The following ATF3 variants were observed in gnomAD, a reference collection of about 807,000 sequenced individuals.
ATF3 encodes cyclic AMP-dependent transcription factor ATF-3.
Under a neutral mutation model 18.4 loss-of-function variants are expected in ATF3, and 10 were observed. The observed-to-expected ratio is 0.54, with a 90% CI of 0.34 to 0.92. The LOEUF is 0.92. Ranked by LOEUF, ATF3 falls within the 40% of genes least tolerant of loss-of-function variation. ATF3 has a pLI of 0.02. For missense variants in ATF3, 183 were observed against 222.3 expected (o/e 0.82, Z 1.12); for synonymous variants, 78 against 87.9 (o/e 0.89, Z 0.63).
chr1:212,591,769 C>T (rs1355604242), intron 1 of ATF3, among the ~76,000 whole-genome samples: 6 of 152,144 alleles, frequency 3.9e-5, no homozygotes, highest in South Asian at 4.1e-4. Context: ...TCTCCCCTTC[C>T]GCACACTTTT....
At position 212,619,501 on chromosome 1, in the gene ATF3, A is replaced by C; in HGVS notation, c.492A>C (p.Glu164Asp). 6.2e-7 allele frequency: 1 copy of C among 1,614,228 alleles called. No individual in the cohort carries two copies. Among genetic ancestry groups the C allele is most frequent in the South Asian group, 1.1e-5 (1 of 91,090 alleles). The change falls in exon 4 of 4, where the codon GAA becomes GAC. Residue 164 changes from glutamate (E) to aspartate (D), a missense_variant. By Grantham distance (45) the Glu-to-Asp change is conservative. Transcript: ENST00000341491. This position sits in a 1 kb window ranked among gnomAD's most constrained non-coding sequence, Gnocchi z 4.4. ...GGGCTCAGAATGGGAGGACTCCAGA[A>C]GATGAGAGAAACCTCTTTATCCAAC... Reference protein sequence around the residue: ...IVRAQNGRTPEDERNLFIQQI... With the variant: ...IVRAQNGRTPDDERNLFIQQI...
chr1:212,600,343 C>T (rs1456233648), intron 1 of ATF3, among the ~76,000 whole-genome samples: 1 of 152,276 alleles, frequency 6.6e-6, no homozygotes, highest in Non-Finnish European at 1.5e-5. Context: ...CTATCACAGT[C>T]TGTTCTTCCC....
At chr1:212,614,105 G>A (rs1196603527) in intron 1 of ATF3, 1 of 152,184 alleles carries the variant, frequency 6.6e-6, no homozygotes, top group East Asian at 1.9e-4. Flanking sequence ...AGCAATGGTG[G>A]AGACTCAATG....
intron 1 of ATF3, among the ~76,000 whole-genome samples, chr1:212,585,392 T>A (rs1169935547): frequency 6.6e-6 from 1 of 152,218 alleles, no homozygotes; most frequent in African/African-American, 2.4e-5. Flanking sequence ...TGGCTGGTGC[T>A]GTTGCCTCTG....
rs139616532 is a variant in ATF3, at chr1:212,575,527, T to G, written c.-5+10044T>G. On this transcript the variant is annotated intron_variant, in intron 1 of 3. Coordinates refer to the ATF3 transcript ENST00000366981. ...TCTTTTTCCATTGTTTTATATTACA[T>G]CAGTTAAGAACTTCAGTATAATGCT... Among the ~76,000 whole-genome samples, 587 of 152,240 alleles carry G rather than the reference T, an allele frequency of 3.9e-3. 5 individuals are homozygous for G. Among genetic ancestry groups the G allele is most frequent in the African/African-American group, 0.013 (550 of 41,572 alleles).
intron 1 of ATF3, among the ~76,000 whole-genome samples, chr1:212,600,660 C>T (rs915249328): frequency 6.6e-6 from 1 of 152,232 alleles, no homozygotes; most frequent in Non-Finnish European, 1.5e-5. Flanking sequence ...ACAGTCACCT[C>T]AGCCATCAGC....
intron 1 of ATF3, among the ~76,000 whole-genome samples, chr1:212,592,972 A>G (rs1407428545): frequency 6.6e-6 from 1 of 151,842 alleles, no homozygotes; most frequent in Non-Finnish European, 1.5e-5. Flanking sequence ...TCATGCTGCT[A>G]TAAAGACACA....
intron 2 of ATF3, among the ~76,000 whole-genome samples, chr1:212,616,473 T>A (rs190327312): frequency 6.6e-6 from 1 of 152,170 alleles, no homozygotes; most frequent in Admixed American, 6.5e-5. Flanking sequence ...TTTTTGAATT[T>A]TTTTAGTAGA....
At chr1:212,580,307 T>G (rs983587393) in intron 1 of ATF3, among the ~76,000 whole-genome samples, 4 of 152,008 alleles carry the variant, frequency 2.6e-5, no homozygotes, top group Admixed American at 6.5e-5. Flanking sequence ...TTTTCACTAC[T>G]GTTTACTTTC....
chr1:212,606,001 C>T (rs1019737253), upstream of ATF3, among the ~76,000 whole-genome samples: 2 of 152,206 alleles, frequency 1.3e-5, no homozygotes, highest in Non-Finnish European at 2.9e-5. Context: ...TTTTCTGTCC[C>T]CTCCACTTCA....
intron 1 of ATF3, among the ~76,000 whole-genome samples, chr1:212,599,868 C>G (rs1224743562): frequency 6.6e-6 from 1 of 152,168 alleles, no homozygotes; most frequent in Non-Finnish European, 1.5e-5. Flanking sequence ...TTCTCCTTAC[C>G]AGCCCTGCCT....
intron 1 of ATF3, among the ~76,000 whole-genome samples, chr1:212,586,791 T>C (rs1184874820): frequency 6.6e-6 from 1 of 152,202 alleles, no homozygotes; most frequent in Non-Finnish European, 1.5e-5. Context: ...CCAACAGTTA[T>C]CACGCTAAGC....
At chr1:212,615,435 A>G (rs1444372606) in intron 2 of ATF3, among the ~76,000 whole-genome samples, 174 bp downstream of exon 2, 1 of 152,132 alleles carries the variant, frequency 6.6e-6, no homozygotes, top group Non-Finnish European at 1.5e-5. Context: ...ATACGTAAGT[A>G]CACGTTAAGA....
chr1:212,586,786 AG>A (rs1413148371), intron 1 of ATF3, among the ~76,000 whole-genome samples: 1 of 152,230 alleles, frequency 6.6e-6, no homozygotes, highest in Non-Finnish European at 1.5e-5. Context: ...AATAACCAAC[AG>A]TTATCACGCT....
intron 1 of ATF3, among the ~76,000 whole-genome samples, chr1:212,603,697 C>A (rs1169568715): frequency 6.6e-6 from 1 of 151,746 alleles, no homozygotes; most frequent in Non-Finnish European, 1.5e-5. Flanking sequence ...ATAGTGGTTA[C>A]CTCTGGGAAG....
intron 1 of ATF3, among the ~76,000 whole-genome samples, chr1:212,569,058 A>T (rs10863980): frequency 0.13 from 19,495 of 152,268 alleles, 1,732 homozygotes; most frequent in East Asian, 0.32. Flanking sequence ...TCTAAAATAA[A>T]CATTGGCTGT....
intron 1 of ATF3, among the ~76,000 whole-genome samples, chr1:212,575,188 T>G (rs1013009799): frequency 1.8e-4 from 27 of 152,096 alleles, no homozygotes; most frequent in African/African-American, 5.8e-4. Context: ...ACATAGTAAT[T>G]CTCTCCATTT....
chr1:212,613,166 G>A (rs1654966858), intron 1 of ATF3, among the ~76,000 whole-genome samples: 1 of 152,142 alleles, frequency 6.6e-6, no homozygotes. Context: ...CAGTTAGCAA[G>A]CAGCCTGGGT....
At chr1:212,589,363 A>G (rs781302026) in intron 1 of ATF3, among the ~76,000 whole-genome samples, 7 of 152,234 alleles carry the variant, frequency 4.6e-5, no homozygotes, top group Admixed American at 2.0e-4. Flanking sequence ...ACAGAAGGGA[A>G]CTGTGCTGAT....
Sources: gnomAD v4.1 joint callset for allele counts (sites outside exome capture counted in the v4.1 genomes callset) on GRCh38, gnomAD v4.1.1 for gene constraint, Gnocchi (gnomAD v3.1) non-coding constraint, MANE v1.5 for transcripts, NCBI Gene and HGNC (gene_info 2026-07-23, HGNC 2026-07-21) for gene names.